Variants in TTC27 observed in about 807,000 individuals in gnomAD.
TTC27 encodes the protein tetratricopeptide repeat domain 27, also known as tetratricopeptide repeat protein 27.
A neutral mutation model predicts 115.9 loss-of-function variants in TTC27; 79 were observed. The observed-to-expected ratio is 0.68, with a 90% CI of 0.57 to 0.82. The LOEUF (loss-of-function observed/expected upper bound fraction) is 0.82. TTC27 is among the 40% of genes least tolerant of loss of function. The pLI is 0.00. For missense variants in TTC27, 1,054 were observed against 993.1 expected (o/e 1.06, Z -0.82); for synonymous variants, 401 against 356.0 (o/e 1.13, Z -1.42).
intron 12 of TTC27, among the ~76,000 whole-genome samples, chr2:32,750,811 A>G (rs1668984809): frequency 1.3e-5 from 2 of 152,240 alleles, no homozygotes; most frequent in African/African-American, 4.8e-5. Flanking sequence ...TGTAAATTCA[A>G]CATTTCCCTA....
intron 9 of TTC27, among the ~76,000 whole-genome samples, chr2:32,683,234 C>T (rs1019628273): frequency 6.6e-6 from 1 of 152,072 alleles, no homozygotes; most frequent in Admixed American, 6.6e-5. Context: ...AGGTGATGCA[C>T]CCACCCAGCC....
intron 10 of TTC27, among the ~76,000 whole-genome samples, chr2:32,718,116 T>A (rs1667811073): frequency 6.6e-6 from 1 of 152,212 alleles, no homozygotes; most frequent in Non-Finnish European, 1.5e-5. Flanking sequence ...TATTTAAATA[T>A]AAGCAATTAT....
intron 13 of TTC27, among the ~76,000 whole-genome samples, chr2:32,767,623 G>T (rs947608338): frequency 6.6e-6 from 1 of 151,106 alleles, no homozygotes; most frequent in South Asian, 2.1e-4. Flanking sequence ...CACCGCGCCC[G>T]GCTAATTTTT....
At chr2:32,819,018 T>C (rs371516600) in intron 19 of TTC27, among the ~76,000 whole-genome samples, 1 of 151,936 alleles carries the variant, frequency 6.6e-6, no homozygotes, top group Non-Finnish European at 1.5e-5. Flanking sequence ...AGCAGCAGGG[T>C]TTTTTCCTGT....
At position 32,678,024 on chromosome 2, in the gene TTC27, C is replaced by T. The variant is rs1035506089; in HGVS notation, c.1053-832C>T. ...GTAATCCAAACACATTGGGAATCTG[C>T]GGTGGGCAATCACTTGAGCCCAGGA... On this transcript the variant is annotated intron_variant, in intron 8 of 19. Coordinates refer to ENST00000317907, the MANE Select transcript of TTC27 (RefSeq NM_017735.5). 1.6e-4 allele frequency among the ~76,000 whole-genome samples: 24 copies of T among 152,056 alleles called. No individual in the cohort carries two copies. In the South Asian group the frequency reaches 1.9e-3, roughly 12 times the overall value.
intron 4 of TTC27, among the ~76,000 whole-genome samples, chr2:32,647,204 G>T (rs1481471664): frequency 6.6e-6 from 1 of 152,056 alleles, no homozygotes; most frequent in Non-Finnish European, 1.5e-5. Flanking sequence ...GCTACCCAAA[G>T]TGCTGGGATT....
chr2:32,746,582 A>AAAAAAAAAAAAAAT (rs56007091), intron 12 of TTC27, among the ~76,000 whole-genome samples: 1 of 150,940 alleles, frequency 6.6e-6, no homozygotes. Flanking sequence ...AAAAAAAAAA[A>AAAAAAAAAAAAAAT]GAATGCACAT....
At chr2:32,660,545 A>G (rs1665507244) in intron 5 of TTC27, among the ~76,000 whole-genome samples, 1 of 152,166 alleles carries the variant, frequency 6.6e-6, no homozygotes, top group African/African-American at 2.4e-5. Context: ...GGAGTTGAAC[A>G]ATGAGAACAC....
At chr2:32,742,855 G>A (rs2151919713) in intron 12 of TTC27, among the ~76,000 whole-genome samples, 1 of 152,144 alleles carries the variant, frequency 6.6e-6, no homozygotes, top group East Asian at 1.9e-4. Context: ...TTAGACTATG[G>A]CCAATGTTTT....
At chr2:32,755,301 C>G (rs1410300335) in intron 12 of TTC27, among the ~76,000 whole-genome samples, 1 of 152,168 alleles carries the variant, frequency 6.6e-6, no homozygotes, top group East Asian at 1.9e-4. Context: ...CCATTGAGCA[C>G]TGAGTGAATG....
chr2:32,701,785 G>T (rs1421608914), intron 9 of TTC27, among the ~76,000 whole-genome samples: 1 of 151,760 alleles, frequency 6.6e-6, no homozygotes, highest in African/African-American at 2.4e-5. Flanking sequence ...TTACCTGGGG[G>T]GTATTTTAAA....
chr2:32,649,390 C>G (rs1664994957), intron 4 of TTC27, among the ~76,000 whole-genome samples: 1 of 151,664 alleles, frequency 6.6e-6, no homozygotes, highest in Non-Finnish European at 1.5e-5. Context: ...ACATAAAATA[C>G]AGTGGAATGT....
At chr2:32,744,848 A>G (rs932570150) in intron 12 of TTC27, among the ~76,000 whole-genome samples, 1 of 152,094 alleles carries the variant, frequency 6.6e-6, no homozygotes, top group Non-Finnish European at 1.5e-5. Context: ...CAGGAGTTTG[A>G]GACCAGCCCG....
At chr2:32,793,090 C>CTCAGTGGGAT (rs1477507391) in intron 16 of TTC27, among the ~76,000 whole-genome samples, 1 of 152,082 alleles carries the variant, frequency 6.6e-6, no homozygotes, top group African/African-American at 2.4e-5. Context: ...ATTATATGAA[C>CTCAGTGGGAT]TCAGTGGGAT....
At chr2:32,728,299 C>T (rs1274612090) in intron 10 of TTC27, among the ~76,000 whole-genome samples, 3 of 152,058 alleles carry the variant, frequency 2.0e-5, no homozygotes, top group African/African-American at 7.2e-5. Context: ...CCTCGGCCTC[C>T]CAAAGTGCTG....
chr2:32,701,292 A>T (rs572816801), intron 9 of TTC27, among the ~76,000 whole-genome samples: 1 of 152,298 alleles, frequency 6.6e-6, no homozygotes, highest in African/African-American at 2.4e-5. Context: ...CACCATCTCC[A>T]AGTCCTCTTT....
chr2:32,800,855 G>C (rs1360209525), intron 16 of TTC27, among the ~76,000 whole-genome samples: 2 of 152,076 alleles, frequency 1.3e-5, no homozygotes, highest in East Asian at 3.9e-4. Flanking sequence ...TTGAAAATGT[G>C]ACACCATAGA....
chr2:32,653,711 C>T (rs1428952866), intron 5 of TTC27, among the ~76,000 whole-genome samples: 1 of 151,828 alleles, frequency 6.6e-6, no homozygotes, highest in Non-Finnish European at 1.5e-5. Flanking sequence ...TACTAAATGT[C>T]ATTGTCTGTA....
At chr2:32,782,499 A>G in intron 14 of TTC27, 127 bp from the exon 15 acceptor site, 1 of 605,118 alleles carries the variant, frequency 1.7e-6, no homozygotes, top group Non-Finnish European at 2.8e-6. Context: ...CTTTAAACAC[A>G]CTCTTATTGA....
Sources: allele counts gnomAD v4.1 joint callset (sites outside exome capture counted in the v4.1 genomes callset), GRCh38; gene constraint gnomAD v4.1.1; transcripts MANE v1.5; gene names NCBI Gene and HGNC (gene_info 2026-07-23, HGNC 2026-07-21).